The following VRK1 variants were observed in gnomAD, a reference collection of about 807,000 sequenced individuals.
VRK1 encodes the protein serine/threonine-protein kinase VRK1.
Under a neutral mutation model 57.1 loss-of-function variants are expected in VRK1, and 33 were observed. That is an observed-to-expected ratio of 0.58 (90% CI 0.44 to 0.77). The LOEUF is 0.77. VRK1 is among the 30% of genes least tolerant of loss of function. The pLI is 0.00. For synonymous variants in VRK1, 137 were observed against 147.8 expected (o/e 0.93, Z 0.53); for missense variants, 413 against 477.3 (o/e 0.87, Z 1.25).
chr14:96,803,275 G>A (rs1022227229), intron 1 of VRK1, among the ~76,000 whole-genome samples: 2 of 151,180 alleles, frequency 1.3e-5, no homozygotes, highest in Admixed American at 6.6e-5. Context: ...AGGGTCAAGC[G>A]ATTCTCTTGC....
At chr14:96,798,943 A>G (rs750427741) in intron 1 of VRK1, among the ~76,000 whole-genome samples, 4 of 152,208 alleles carry the variant, frequency 2.6e-5, no homozygotes, top group Non-Finnish European at 5.9e-5. Flanking sequence ...GGTATTCTCT[A>G]CATCTCAACA....
intron 10 of VRK1, among the ~76,000 whole-genome samples, chr14:96,856,954 T>C (rs1888184354): frequency 6.6e-6 from 1 of 151,494 alleles, no homozygotes; most frequent in African/African-American, 2.4e-5. Flanking sequence ...GGTGACAGAG[T>C]GAGACTCCGT....
At chr14:96,855,130 A>C in intron 7 of VRK1, 94 bp from the exon 8 acceptor site, 1 of 1,594,114 alleles carries the variant, frequency 6.3e-7, no homozygotes, top group Non-Finnish European at 8.6e-7. Flanking sequence ...AGGTGAACCC[A>C]CCTTCAGATG....
chr14:96,829,360 A>G (rs1307431450), intron 1 of VRK1, among the ~76,000 whole-genome samples: 1 of 152,070 alleles, frequency 6.6e-6, no homozygotes, highest in African/African-American at 2.4e-5. Flanking sequence ...GGGAAGTGGT[A>G]TTTTAAGACT....
At chr14:96,870,154 C>G (rs927554487) in intron 11 of VRK1, among the ~76,000 whole-genome samples, 5 of 152,022 alleles carry the variant, frequency 3.3e-5, no homozygotes, top group African/African-American at 7.2e-5. Flanking sequence ...CTTTCAGGAC[C>G]TTTAAATTAT....
At chr14:96,803,198 CTCTTA>C (rs1361202758) in intron 1 of VRK1, among the ~76,000 whole-genome samples, 5 of 138,100 alleles carry the variant, frequency 3.6e-5, no homozygotes, top group African/African-American at 8.2e-5. Context: ...TGAGGCAGGT[CTCTTA>C]TCTTGTCCCC....
At chr14:96,843,185 G>C (rs1887535008) in intron 3 of VRK1, among the ~76,000 whole-genome samples, 1 of 152,212 alleles carries the variant, frequency 6.6e-6, no homozygotes, top group Non-Finnish European at 1.5e-5. Flanking sequence ...CTGTGCAGGA[G>C]AAATGTTGGA....
At chr14:96,851,104 A>T (rs1045783940) in intron 5 of VRK1, among the ~76,000 whole-genome samples, 9 of 152,070 alleles carry the variant, frequency 5.9e-5, no homozygotes, top group Non-Finnish European at 1.2e-4. Context: ...CCAAGGTGCT[A>T]GGAAATCTTA....
intron 11 of VRK1, among the ~76,000 whole-genome samples, chr14:96,869,085 G>T (rs1390222909): frequency 1.3e-5 from 2 of 152,090 alleles, no homozygotes; most frequent in African/African-American, 4.8e-5. Context: ...GAGCCACCAC[G>T]CCCGGCCTCG....
At chr14:96,804,720 C>T (rs146117877) in intron 1 of VRK1, among the ~76,000 whole-genome samples, 25 of 152,202 alleles carry the variant, frequency 1.6e-4, no homozygotes, top group African/African-American at 5.1e-4. Context: ...GGCAGTGATA[C>T]GTTGGTAGGA....
chr14:96,857,511 G>A (rs748329594), intron 10 of VRK1, among the ~76,000 whole-genome samples: 41 of 152,128 alleles, frequency 2.7e-4, no homozygotes, highest in Non-Finnish European at 5.0e-4. Flanking sequence ...GGAAGAGTGT[G>A]AGGTTTGTAG....
chr14:96,857,459 T>C (rs535330061), intron 10 of VRK1, among the ~76,000 whole-genome samples: 2 of 152,232 alleles, frequency 1.3e-5, no homozygotes, highest in Non-Finnish European at 2.9e-5. Flanking sequence ...GCGAGGACTG[T>C]GTCTTCATAG....
chr14:96,877,015 C>T (rs1277591410), intron 12 of VRK1, among the ~76,000 whole-genome samples: 1 of 150,790 alleles, frequency 6.6e-6, no homozygotes, highest in Non-Finnish European at 1.5e-5. Context: ...ATAAAGAGAG[C>T]TATTCAGTGT....
At chr14:96,842,389 T>C (rs559215339) in intron 3 of VRK1, among the ~76,000 whole-genome samples, 2 of 152,228 alleles carry the variant, frequency 1.3e-5, no homozygotes, top group Non-Finnish European at 2.9e-5. Flanking sequence ...TGAACATTTG[T>C]CATTTAAAAC....
intron 5 of VRK1, 105 bp downstream of exon 5, chr14:96,847,449 C>A: frequency 1.1e-6 from 1 of 876,860 alleles, no homozygotes; most frequent in Non-Finnish European, 1.9e-6. Context: ...ATTACTAGGC[C>A]TCCCTCTGGA....
chr14:96,870,180 C>T (rs1388411107), intron 11 of VRK1, among the ~76,000 whole-genome samples: 2 of 152,006 alleles, frequency 1.3e-5, no homozygotes, highest in Non-Finnish European at 2.9e-5. Context: ...ATAACTTTTG[C>T]AGCATGCCTG....
At chr14:96,811,585 A>C (rs76904997) in intron 1 of VRK1, among the ~76,000 whole-genome samples, 9,838 of 152,288 alleles carry the variant, frequency 0.065, 359 homozygotes, top group South Asian at 0.12. Flanking sequence ...AGAGTGAGTC[A>C]GGAACTACCC....
intron 2 of VRK1, among the ~76,000 whole-genome samples, chr14:96,837,275 G>T (rs1887257040): frequency 6.6e-6 from 1 of 152,202 alleles, no homozygotes; most frequent in Non-Finnish European, 1.5e-5. Context: ...GCAGTTGAAA[G>T]TTCTAGTGCC....
chr14:96,873,273 A>G (rs574911717), intron 11 of VRK1, among the ~76,000 whole-genome samples: 9 of 152,274 alleles, frequency 5.9e-5, no homozygotes, highest in Admixed American at 2.6e-4. Flanking sequence ...CAGGTCTCCA[A>G]TCGGTGTTTA....
Sources: gnomAD v4.1 joint callset for allele counts (sites outside exome capture counted in the v4.1 genomes callset) on GRCh38, gnomAD v4.1.1 for gene constraint, MANE v1.5 for transcripts, NCBI Gene and HGNC (gene_info 2026-07-23, HGNC 2026-07-21) for gene names.